The following CHRNA2 variants were observed in gnomAD, a reference collection of about 807,000 sequenced individuals.
The protein encoded by CHRNA2 is neuronal acetylcholine receptor subunit alpha-2.
A neutral mutation model predicts 45.5 loss-of-function variants in CHRNA2; 40 were observed. The observed-to-expected ratio is 0.88, with a 90% confidence interval of 0.68 to 1.15. CHRNA2 has a LOEUF of 1.15. CHRNA2 is among the 50% of genes most tolerant of loss of function. The pLI, the probability that CHRNA2 is intolerant of heterozygous loss-of-function variation, is 0.00. For synonymous variants in CHRNA2, 301 were observed against 296.7 expected (o/e 1.01, Z -0.15); for missense variants, 655 against 701.7 (o/e 0.93, Z 0.75).
At position 27,461,745 on chromosome 8, in the gene CHRNA2, C is replaced by A. The variant is rs1432973316; in HGVS notation, c.1474G>T (p.Asp492Tyr). The A allele has an allele frequency of 3.1e-6, 5 of 1,614,128 alleles. No individual in the cohort carries two copies. Among genetic ancestry groups the A allele is most frequent in the Non-Finnish European group, 4.2e-6 (5 of 1,179,968 alleles). ...ATGACCATGGCAACATACTTCCAGT[C>A]CTCCTTCACCTGTGGGGAAGACAGC... ...SEDADSSVKEDWKYVAMVIDR... is the reference protein window; with the variant it reads ...SEDADSSVKEYWKYVAMVIDR... The change falls in exon 7 of 7, where the codon GAC becomes TAC. Residue 492 changes from aspartate (D) to tyrosine (Y), a missense_variant. Coordinates refer to ENST00000407991, the MANE Select transcript of CHRNA2 (RefSeq NM_000742.4).
chr8:27,470,877 C>T (rs1586400851), intron 2 of CHRNA2, 109 bp downstream of exon 2: 2 of 1,155,078 alleles, frequency 1.7e-6, no homozygotes, highest in Non-Finnish European at 1.3e-6. Context: ...CTCTGAAGTC[C>T]CCTGCAGCTT....
At chr8:27,473,527 C>CG (rs937100922) in intron 1 of CHRNA2, among the ~76,000 whole-genome samples, 2 of 118,496 alleles carry the variant, frequency 1.7e-5, no homozygotes, top group Non-Finnish European at 3.6e-5. Flanking sequence ...TAGTGAGACC[C>CG]CCCCCGCCGT....
At chr8:27,462,442 C>T (rs1812523718) in intron 6 of CHRNA2, among the ~76,000 whole-genome samples, 1 of 152,166 alleles carries the variant, frequency 6.6e-6, no homozygotes, top group East Asian at 1.9e-4. Context: ...GGGGCCAATG[C>T]CATGGCAGGG....
In CHRNA2 at chr8:27,467,272, G is replaced by A. The variant is rs1427609453; in HGVS notation, c.406C>T (p.Pro136Ser). Residue 136 changes from proline (P) to serine (S), a missense_variant, in exon 5 of 7, where the codon CCT becomes TCT. This residue lies in a region of CHRNA2 where 323 missense variants were observed against 354.4 expected (regional missense o/e 0.91). Transcript: ENST00000407991. ...TCGGGGATCCAGATCATCTCAGAAG[G>A]GACCCTGAGAGATGTGATGTTGCCA... ...DFGNITSLRV[P>S]SEMIWIPDIV... The A allele has an allele frequency of 6.2e-7, 1 of 1,613,996 alleles. No individual in the cohort carries two copies. Among genetic ancestry groups the A allele is most frequent in the Admixed American group, 1.7e-5 (1 of 60,018 alleles).
chr8:27,461,510 C>G lies in CHRNA2; in HGVS notation c.*119G>C. ...AAGCCTGCAATCCCTGGGTCAGTGT[C>G]CAGACTCCGCGGAGAGGCACCTGCT... is the stretch of plus-strand genomic sequence containing the variant. On this transcript the variant is annotated 3_prime_UTR_variant, in exon 7 of 7. Transcript: ENST00000407991. The G allele has an allele frequency of 1.4e-6, 2 of 1,407,610 alleles. No homozygotes were observed. The highest frequency in any genetic ancestry group is 1.4e-5 in the African/African-American group (1 of 71,294). 87.2% of individuals were successfully genotyped at this position (1,407,610 alleles called of 1,614,324 possible).
chr8:27,472,400 T>A (rs1456082400), intron 1 of CHRNA2, among the ~76,000 whole-genome samples: 1 of 152,136 alleles, frequency 6.6e-6, no homozygotes, highest in Non-Finnish European at 1.5e-5. Context: ...AGATGGATGG[T>A]GTCTGAATTG....
At position 27,471,035 on chromosome 8, in the gene CHRNA2, G is replaced by A. The variant is rs757567429; in HGVS notation, c.24C>T (p.Phe8=). 1.2e-6 allele frequency: 2 copies of A among 1,614,120 alleles called. No individual in the cohort carries two copies. The highest frequency in any genetic ancestry group is 1.7e-6 in the Non-Finnish European group (2 of 1,179,996). Residue 8 remains phenylalanine (F), a synonymous_variant, in exon 2 of 7, where the codon TTC becomes TTT. Transcript: ENST00000407991. MGPSCPV[F]LSFTKLSLWW... is the part of the protein sequence containing the mutation. Reference sequence around the variant, plus strand: ...ACAGGCTGAGCTTTGTGAAGGACAGGAACACAGGACAGGAGGGGCCCATGG... The same window carrying A: ...ACAGGCTGAGCTTTGTGAAGGACAGAAACACAGGACAGGAGGGGCCCATGG...
chr8:27,465,680 C>T (rs1011892544), intron 5 of CHRNA2, among the ~76,000 whole-genome samples: 1 of 152,170 alleles, frequency 6.6e-6, no homozygotes, highest in African/African-American at 2.4e-5. Context: ...CCGCCGGCCT[C>T]GGCCTCCCAG....
intron 1 of CHRNA2, chr8:27,475,226 A>C (rs1813024940): frequency 6.6e-6 from 1 of 152,168 alleles, no homozygotes; most frequent in Non-Finnish European, 1.5e-5. Context: ...AACTGTGTAG[A>C]TTTGACTCCA....
rs886044444 is a variant in CHRNA2, at chr8:27,469,353, G to A, written c.321C>T (p.Thr107=). Residue 107 remains threonine (T), a synonymous_variant, in exon 4 of 7, where the codon ACC becomes ACT. Coordinates refer to ENST00000407991, the MANE Select transcript of CHRNA2 (RefSeq NM_000742.4). ...CCCTCACCTGTTTTAGCCAGACGTT[G>A]GTGGTCATCATTTGGTTCTTCTCAT... ...DVDEKNQMMT[T]NVWLKQEWSD... 8.3e-6 allele frequency: 13 copies of A among 1,556,900 alleles called. No individual in the cohort carries two copies. The highest frequency in any genetic ancestry group is 1.0e-5 in the Non-Finnish European group (12 of 1,149,674).
At position 27,471,156 on chromosome 8, in the gene CHRNA2, T is replaced by A; in HGVS notation, c.-98A>T. 8.8e-7 allele frequency: 1 copy of A among 1,137,288 alleles called. No homozygotes were observed. Among genetic ancestry groups the A allele is most frequent in the Non-Finnish European group, 1.3e-6 (1 of 764,746 alleles). The allele number at this position is 1,137,288 out of a possible 1,614,324, so 70.4% of individuals were successfully genotyped here. A position where few individuals can be genotyped will look rare whatever the true frequency, so the allele number is the denominator to read the frequency against. The stretch of plus-strand genomic sequence containing the variant: ...GAGCTGCTGCTGGATTCTGTGAGGA[T>A]TCTGCTGGATTCTGCGAGGCTTCCT... On this transcript the variant is annotated 5_prime_UTR_variant, in exon 2 of 7. Transcript: ENST00000407991.
At chr8:27,473,072 A>T (rs186705003) in intron 1 of CHRNA2, among the ~76,000 whole-genome samples, 189 of 151,436 alleles carry the variant, frequency 1.2e-3, no homozygotes, top group African/African-American at 4.0e-3. Context: ...TGATTTAAAA[A>T]ATATATATAT....
Position 27,463,485 on chromosome 8 carries a change from A to G in CHRNA2, c.958T>C (p.Ser320Pro). The G allele has an allele frequency of 1.9e-6, 3 of 1,614,190 alleles. No homozygotes were observed. Among genetic ancestry groups the G allele is most frequent in the Non-Finnish European group, 2.5e-6 (3 of 1,180,034 alleles). Residue 320 changes from serine to proline, a missense_variant, in exon 6 of 7, where the codon TCC becomes CCC. Around this residue, in one of 3 missense-constraint regions of CHRNA2, gnomAD observed 295 missense variants for 280.4 expected, o/e 1.05. Coordinates refer to ENST00000407991, the MANE Select transcript of CHRNA2 (RefSeq NM_000742.4). This position sits in a 1 kb window ranked among gnomAD's most constrained non-coding sequence, Gnocchi z 6.1. ...FLLLITEIIP[S>P]TSLVIPLIGE... ...ATGAGCGGGATGACCAGCGAGGTGG[A>G]CGGGATGATCTCAGTGATGAGCAGC...
At chr8:27,467,186 G>A (rs1234240896) in intron 5 of CHRNA2, 43 bp downstream of exon 5, 2 of 1,505,760 alleles carry the variant, frequency 1.3e-6, no homozygotes, top group Non-Finnish European at 1.8e-6. Flanking sequence ...GCCCCTGCAA[G>A]TTGGCCTCCC....
Position 27,462,241 on chromosome 8 carries a change from C to T in CHRNA2, c.1465-487G>A, listed in dbSNP as rs80217491. Among the ~76,000 whole-genome samples, 64 of 152,342 alleles carry T rather than the reference C, an allele frequency of 4.2e-4. No homozygotes were observed. The East Asian group carries it at 0.012, about 28-fold the overall frequency. On this transcript the variant is annotated intron_variant, in intron 6 of 6. Transcript: ENST00000407991. ...GCGGGGGCTTTGTAGAACTTGGGCTCACAGCCCAGACAAGGGAGCCTGGAT... is the reference window on the plus strand; with the variant it reads ...GCGGGGGCTTTGTAGAACTTGGGCTTACAGCCCAGACAAGGGAGCCTGGAT...
At position 27,478,956 on chromosome 8, in the gene CHRNA2, T is replaced by A. The variant is rs906138524; in HGVS notation, c.-269A>T. 3.3e-5 allele frequency: 5 copies of A among 152,110 alleles called. No individual in the cohort carries two copies. The highest frequency in any genetic ancestry group is 1.2e-4 in the African/African-American group (5 of 41,410). 9.4% of individuals were successfully genotyped at this position (152,110 alleles called of 1,614,324 possible). On this transcript the variant is annotated 5_prime_UTR_variant, in exon 1 of 7. An upstream open reading frame in the 5' UTR gains an earlier in-frame stop. Transcript: ENST00000407991. ...CAGAATAGAGCTCAGTCACTTCATT[T>A]CATGGTCAAACAGAGGCTGAAGAGT... is the stretch of plus-strand genomic sequence containing the variant.
chr8:27,467,196 C>A lies in CHRNA2; in HGVS notation c.449+33G>T, dbSNP rs772694686. 1.9e-6 allele frequency: 3 copies of A among 1,573,300 alleles called. No homozygotes were observed. The Admixed American group carries it at 5.0e-5, about 26-fold the overall frequency. Reference sequence around the variant, plus strand: ...ACCCGGCCCCTGCAAGTTGGCCTCCCCTCATCCCCCCAGGACCCCAATGGC... The same window carrying A: ...ACCCGGCCCCTGCAAGTTGGCCTCCACTCATCCCCCCAGGACCCCAATGGC... On this transcript the variant is annotated intron_variant, in intron 5 of 6. Coordinates refer to ENST00000407991, the MANE Select transcript of CHRNA2 (RefSeq NM_000742.4).
intron 1 of CHRNA2, among the ~76,000 whole-genome samples, chr8:27,476,244 CA>C (rs1352364286): frequency 6.6e-6 from 1 of 152,108 alleles, no homozygotes; most frequent in African/African-American, 2.4e-5. Flanking sequence ...AGAGAAGAAC[CA>C]AAAGGAAGGA....
At chr8:27,465,675 G>A (rs151304901) in intron 5 of CHRNA2, among the ~76,000 whole-genome samples, 336 of 152,192 alleles carry the variant, frequency 2.2e-3, no homozygotes, top group African/African-American at 7.4e-3. Flanking sequence ...CTGATCCGCC[G>A]GCCTCGGCCT....
Sources: allele counts gnomAD v4.1 joint callset (sites outside exome capture counted in the v4.1 genomes callset), GRCh38; gene constraint gnomAD v4.1.1; regional missense constraint gnomAD v4.1.1; non-coding constraint Gnocchi (gnomAD v3.1); transcripts MANE v1.5; gene names NCBI Gene and HGNC (gene_info 2026-07-23, HGNC 2026-07-21).